LRRC4C: variants seen among roughly 807,000 people sequenced by gnomAD.
The protein encoded by LRRC4C is leucine rich repeat containing 4C, also known as leucine-rich repeat-containing protein 4C.
A neutral mutation model predicts 33.6 loss-of-function variants in LRRC4C; 5 were observed. That is an observed-to-expected ratio of 0.15 (90% CI 0.08 to 0.31). LRRC4C has a LOEUF of 0.31. Ranked by LOEUF, LRRC4C falls within the 10% of genes least tolerant of loss-of-function variation. The pLI, the probability that LRRC4C is intolerant of heterozygous loss-of-function variation, is 1.00. For missense variants in LRRC4C, 560 were observed against 796.7 expected, an observed-to-expected ratio of 0.70 and a Z score of 3.58; for synonymous variants, 329 against 302.0, an observed-to-expected ratio of 1.09 and a Z score of -0.93.
chr11:40,358,680 C>T (rs1291559289), intron 3 of LRRC4C, among the ~76,000 whole-genome samples: 1 of 152,100 alleles, frequency 6.6e-6, no homozygotes, highest in East Asian at 1.9e-4. Context: ...GTGTGCTTTT[C>T]ATTGAAACTT....
intron 1 of LRRC4C, among the ~76,000 whole-genome samples, chr11:40,949,896 G>A (rs1386558820): frequency 1.3e-5 from 2 of 152,080 alleles, no homozygotes; most frequent in African/African-American, 4.8e-5. Flanking sequence ...GGGACTAAAT[G>A]CTCCAATTAA....
chr11:41,075,543 T>G (rs2135451275), intron 1 of LRRC4C, among the ~76,000 whole-genome samples: 1 of 152,232 alleles, frequency 6.6e-6, no homozygotes, highest in East Asian at 1.9e-4. Context: ...ACACCAAAAT[T>G]TTCACTATCT....
At chr11:41,339,181 G>T (rs1203136526) in intron 1 of LRRC4C, among the ~76,000 whole-genome samples, 1 of 152,086 alleles carries the variant, frequency 6.6e-6, no homozygotes, top group Non-Finnish European at 1.5e-5. Flanking sequence ...GATATTGCTA[G>T]ATGCTACAGA....
At chr11:41,394,221 T>C (rs1245228067) in intron 1 of LRRC4C, among the ~76,000 whole-genome samples, 1 of 151,946 alleles carries the variant, frequency 6.6e-6, no homozygotes, top group Non-Finnish European at 1.5e-5. Context: ...CTGATTTCAC[T>C]TGACTTGTGT....
rs1430497838 is a variant in LRRC4C at position 40,610,592 on chromosome 11, TC to T, written c.-270+37549del. On this transcript the variant is annotated intron_variant, in intron 3 of 6. Coordinates refer to ENST00000528697, the MANE Select transcript of LRRC4C (RefSeq NM_001258419.2). ...AAAAAAGATCTAAAATTATCCTTATTCACAAACACATAATTTTATATGTAGA... is the reference window on the plus strand; with the variant it reads ...AAAAAAGATCTAAAATTATCCTTATTACAAACACATAATTTTATATGTAGA... Among the ~76,000 whole-genome samples, 3 of 151,930 alleles carry T rather than the reference TC, an allele frequency of 2.0e-5. No individual in the cohort carries two copies. In the East Asian group the frequency reaches 5.8e-4, roughly 29 times the overall value.
At chr11:41,060,800 C>T (rs1427297994) in intron 1 of LRRC4C, among the ~76,000 whole-genome samples, 1 of 152,166 alleles carries the variant, frequency 6.6e-6, no homozygotes, top group African/African-American at 2.4e-5. Context: ...CCACTTAAAT[C>T]TTTAAGCCAG....
chr11:40,328,528 T>G (rs1428576719), intron 3 of LRRC4C, among the ~76,000 whole-genome samples: 1 of 152,204 alleles, frequency 6.6e-6, no homozygotes, highest in East Asian at 1.9e-4. Context: ...TTAATCCACG[T>G]CATCATACTC....
chr11:40,864,405 C>T (rs1335524397), intron 2 of LRRC4C, among the ~76,000 whole-genome samples: 1 of 152,136 alleles, frequency 6.6e-6, no homozygotes, highest in Non-Finnish European at 1.5e-5. Context: ...TGTACTAGTG[C>T]TGCCTCAGTT....
chr11:41,211,384 G>A (rs1241438585), intron 1 of LRRC4C, among the ~76,000 whole-genome samples: 12 of 152,008 alleles, frequency 7.9e-5, no homozygotes, highest in African/African-American at 2.9e-4. Context: ...CAACTTGCAG[G>A]TTTGTTATAT....
chr11:40,133,658 T>C (rs1243857289), intron 6 of LRRC4C, among the ~76,000 whole-genome samples: 1 of 152,114 alleles, frequency 6.6e-6, no homozygotes, highest in African/African-American at 2.4e-5. Flanking sequence ...GTATAAACAA[T>C]AGTCATAAAC....
chr11:40,942,914 C>G (rs758574650), intron 1 of LRRC4C, among the ~76,000 whole-genome samples: 1 of 152,166 alleles, frequency 6.6e-6, no homozygotes, highest in Admixed American at 6.6e-5. Flanking sequence ...CTATTACTAA[C>G]TTTCTATGTC....
At chr11:40,145,840 A>G (rs939154464) in intron 5 of LRRC4C, among the ~76,000 whole-genome samples, 2 of 152,204 alleles carry the variant, frequency 1.3e-5, no homozygotes, top group East Asian at 3.8e-4. Flanking sequence ...GACCAGGACA[A>G]TATTCTTTTA....
intron 4 of LRRC4C, among the ~76,000 whole-genome samples, chr11:40,254,855 C>G (rs1008549804): frequency 8.5e-5 from 13 of 152,228 alleles, no homozygotes; most frequent in African/African-American, 2.9e-4. Flanking sequence ...GTCACCCAGG[C>G]TAAAGTGCAG....
In LRRC4C at chr11:40,554,461, A is replaced by G. The variant is rs540771977; in HGVS notation, c.-270+93681T>C. Reference sequence around the variant, plus strand: ...TATTTGGACTCTCTTTTGGTTCCCTATGAATTTTAGAATAGCTTTTTTTCT... The same window carrying G: ...TATTTGGACTCTCTTTTGGTTCCCTGTGAATTTTAGAATAGCTTTTTTTCT... On this transcript the variant is annotated intron_variant, in intron 3 of 6. Coordinates refer to ENST00000528697, the MANE Select transcript of LRRC4C (RefSeq NM_001258419.2). Among the ~76,000 whole-genome samples, 6 of 152,228 alleles carry G rather than the reference A, an allele frequency of 3.9e-5. No homozygotes were observed. In the South Asian group the frequency reaches 6.2e-4, roughly 16 times the overall value.
At chr11:41,220,733 T>G (rs1478728302) in intron 1 of LRRC4C, among the ~76,000 whole-genome samples, 1 of 152,178 alleles carries the variant, frequency 6.6e-6, no homozygotes, top group Non-Finnish European at 1.5e-5. Flanking sequence ...AAAGCAGATA[T>G]GTTGATATCC....
chr11:40,909,568 T>G (rs933364482), intron 2 of LRRC4C, among the ~76,000 whole-genome samples: 1 of 152,112 alleles, frequency 6.6e-6, no homozygotes, highest in African/African-American at 2.4e-5. Context: ...GAACAACTTT[T>G]TTTTCCCATA....
intron 1 of LRRC4C, among the ~76,000 whole-genome samples, chr11:41,405,538 A>C (rs1042391661): frequency 3.9e-5 from 6 of 152,160 alleles, no homozygotes; most frequent in African/African-American, 1.4e-4. Flanking sequence ...GTGCCATCTG[A>C]ATTACTTACA....
intron 3 of LRRC4C, among the ~76,000 whole-genome samples, chr11:40,547,721 C>G (rs975028600): frequency 1.3e-5 from 2 of 152,044 alleles, no homozygotes; most frequent in Admixed American, 1.3e-4. Context: ...GAGTAGTAGG[C>G]TGTTTAATGC....
At chr11:40,687,009 C>T (rs7118513) in intron 2 of LRRC4C, among the ~76,000 whole-genome samples, 21 of 151,862 alleles carry the variant, frequency 1.4e-4, no homozygotes, top group Admixed American at 1.2e-3. Flanking sequence ...GTTAGCTAAC[C>T]GGGCAATTGG....
Sources: gnomAD v4.1 joint callset for allele counts (sites outside exome capture counted in the v4.1 genomes callset) on GRCh38, gnomAD v4.1.1 for gene constraint, MANE v1.5 for transcripts, NCBI Gene and HGNC (gene_info 2026-07-23, HGNC 2026-07-21) for gene names.